Variants in ACBD4 observed in about 807,000 individuals in gnomAD.
ACBD4 encodes the protein acyl-CoA-binding domain-containing protein 4.
A neutral mutation model predicts 46.0 loss-of-function variants in ACBD4; 41 were observed. The observed-to-expected ratio is 0.89, with a 90% CI of 0.69 to 1.16. ACBD4 has a LOEUF of 1.16. Among genes scored for constraint, ACBD4 ranks in the 50% most tolerant of loss-of-function variants. The pLI, the probability that ACBD4 is intolerant of heterozygous loss-of-function variation, is 0.00. For synonymous variants in ACBD4, 162 were observed against 155.9 expected (o/e 1.04, Z -0.29); for missense variants, 393 against 399.5 (o/e 0.98, Z 0.14).
rs2054869338 is a variant in ACBD4, at chr17:45,136,769, C to T, written c.287C>T (p.Ala96Val). The T allele has an allele frequency of 6.2e-7, 1 of 1,613,172 alleles. No individual in the cohort carries two copies. The highest frequency in any genetic ancestry group is 8.5e-7 in the Non-Finnish European group (1 of 1,180,030). The change falls in exon 4 of 10, where the codon GCA becomes GTA. Residue 96 changes from alanine to valine, a missense_variant. Physicochemically the swap from Ala to Val is moderately conservative, Grantham distance 64. Around this residue, in one of 3 missense-constraint regions of ACBD4, gnomAD observed 308 missense variants for 301.8 expected, o/e 1.02. Coordinates refer to ENST00000321854, the MANE Select transcript of ACBD4 (RefSeq NM_001135705.3). ...SAYITEMKLV[A>V]QKVIDTVPLG... ...TACATCACTGAAATGAAACTGGTGG[C>T]ACAGAAGGTAAGGGCTGCAGGTTCT...
At chr17:45,138,210 C>T (rs1192189499) in intron 8 of ACBD4, 6 of 600,510 alleles carry the variant, frequency 1.0e-5, no homozygotes, top group African/African-American at 9.3e-5. Context: ...CAGGAGTCTG[C>T]ACCCTCTGCA....
chr17:45,142,389 C>CAAAAAAAA (rs1161132274), intron 9 of ACBD4, among the ~76,000 whole-genome samples: 176 of 28,600 alleles, frequency 6.2e-3, no homozygotes, highest in Non-Finnish European at 7.2e-3. Flanking sequence ...CAAGACTCCT[C>CAAAAAAAA]AAAAAAAAAA....
rs2054812378 is a variant in ACBD4 at position 45,136,163 on chromosome 17, A to C, written c.19A>C (p.Ser7Arg). ...CAGCAGCATGGGCACCGAGAAAGAAAGCCCAGAGCCCGACTGCCAGAAACA... is the reference window on the plus strand; with the variant it reads ...CAGCAGCATGGGCACCGAGAAAGAACGCCCAGAGCCCGACTGCCAGAAACA... MGTEKE[S>R]PEPDCQKQFQ... The change falls in exon 2 of 10, where the codon AGC becomes CGC. Residue 7 changes from serine to arginine, a missense_variant. Physicochemically the swap from Ser to Arg is moderately radical, Grantham distance 110. Coordinates refer to ENST00000321854, the MANE Select transcript of ACBD4 (RefSeq NM_001135705.3). 2 of 1,613,570 alleles carry C rather than the reference A, an allele frequency of 1.2e-6. No individual in the cohort carries two copies.
chr17:45,132,668 G>A (rs183380710), upstream of ACBD4: 1 of 238,968 alleles, frequency 4.2e-6, no homozygotes, highest in Non-Finnish European at 8.0e-6. The surrounding 1 kb of genome is among the most constrained non-coding windows in gnomAD (Gnocchi z 4.6). Flanking sequence ...CTGCTCGTGA[G>A]TCCGTCTCCC....
chr17:45,137,726 C>T (rs1160357594), intron 6 of ACBD4, 34 bp from the exon 7 acceptor site: 5 of 1,612,580 alleles, frequency 3.1e-6, no homozygotes, highest in Admixed American at 1.7e-5. Flanking sequence ...CCACAGCTTC[C>T]CTCTGGGCAG....
At chr17:45,132,828 G>A (rs930994310), upstream of ACBD4, among the ~76,000 whole-genome samples, 15 of 152,130 alleles carry the variant, frequency 9.9e-5, no homozygotes, top group Non-Finnish European at 1.6e-4. The surrounding 1 kb of genome is among the most constrained non-coding windows in gnomAD (Gnocchi z 4.6). Flanking sequence ...CGAGGCTGAC[G>A]CAGGACCCCC....
intron 9 of ACBD4, 98 bp downstream of exon 9, chr17:45,139,258 A>T (rs998428244): frequency 8.2e-7 from 1 of 1,214,546 alleles, no homozygotes; most frequent in Non-Finnish European, 1.2e-6. Flanking sequence ...TCACGCCTCC[A>T]CCTGCCCACA....
Position 45,143,772 on chromosome 17 carries a change from C to A in ACBD4, c.*201C>A. Reference sequence around the variant, plus strand: ...ACAGGGACGCTTCCTTCCCTCCCCGCAACCACCCCAGGCTCCCCTGGGAGG... The same window carrying A: ...ACAGGGACGCTTCCTTCCCTCCCCGAAACCACCCCAGGCTCCCCTGGGAGG... On this transcript the variant is annotated 3_prime_UTR_variant, in exon 10 of 10. Transcript: ENST00000321854. 1 of 854,084 alleles carries A rather than the reference C, an allele frequency of 1.2e-6. No individual in the cohort carries two copies. The highest frequency in any genetic ancestry group is 1.8e-6 in the Non-Finnish European group (1 of 562,312). 52.9% of individuals were successfully genotyped at this position (854,084 alleles called of 1,614,324 possible). A position where few individuals can be genotyped will look rare whatever the true frequency, so the allele number is the denominator to read the frequency against.
At position 45,139,003 on chromosome 17, in the gene ACBD4, T is replaced by C; in HGVS notation, c.650-18T>C. The stretch of plus-strand genomic sequence containing the variant: ...ATTGCCTCCTGAGCCCCCTTCCCTG[T>C]GTGTCTGTGCTCCGCAGAGGGGTTG... On this transcript the variant is annotated intron_variant, in intron 8 of 9. Coordinates refer to ENST00000321854, the MANE Select transcript of ACBD4 (RefSeq NM_001135705.3). 1 of 1,611,740 alleles carries C rather than the reference T, an allele frequency of 6.2e-7. No individual in the cohort carries two copies. The highest frequency in any genetic ancestry group is 1.1e-5 in the South Asian group (1 of 91,008).
chr17:45,136,404 C>A, intron 2 of ACBD4, 96 bp from the exon 3 acceptor site: 1 of 1,472,728 alleles, frequency 6.8e-7, no homozygotes, highest in Non-Finnish European at 9.3e-7. Flanking sequence ...TGGGACCCAT[C>A]ACCACCTCTG....
At chr17:45,140,155 CTTTCT>C (rs1354633199) in intron 9 of ACBD4, among the ~76,000 whole-genome samples, 3 of 150,644 alleles carry the variant, frequency 2.0e-5, no homozygotes, top group Non-Finnish European at 4.4e-5. Context: ...ACAGGGCTTT[CTTTCT>C]TTTCTTCTGT....
At chr17:45,142,554 CTTTTTTTTT>C in intron 9 of ACBD4, 2 of 170,486 alleles carry the variant, frequency 1.2e-5, no homozygotes, top group South Asian at 6.1e-5. Flanking sequence ...CACAGTAATT[CTTTTTTTTT>C]TTTTTTTTTT....
Position 45,136,090 on chromosome 17 carries a change from G to T in ACBD4, c.-37-18G>T. ...GGGGACCCTGGAGGCCCCCTCACAC[G>T]AAGGCTGCTTCTTGCAGAGTCGCTC... On this transcript the variant is annotated intron_variant, in intron 1 of 9. Coordinates refer to ENST00000321854, the MANE Select transcript of ACBD4 (RefSeq NM_001135705.3). 1 of 1,592,386 alleles carries T rather than the reference G, an allele frequency of 6.3e-7. No individual in the cohort carries two copies. The highest frequency in any genetic ancestry group is 1.7e-5 in the Admixed American group (1 of 58,196).
At position 45,137,765 on chromosome 17, in the gene ACBD4, C is replaced by T. The variant is rs754325277; in HGVS notation, c.508C>T (p.His170Tyr). ...CTCTACCAACCCCTCCACAGAGTCC[C>T]ATTCACCCAGGGACCTGGACTCCGA... ...KEPAPPSPESHSPRDLDSEVF... is the reference protein window; with the variant it reads ...KEPAPPSPESYSPRDLDSEVF... Residue 170 changes from histidine (H) to tyrosine (Y), a missense_variant, in exon 7 of 10, where the codon CAT becomes TAT. Physicochemically the swap from His to Tyr is moderately conservative, Grantham distance 83. Coordinates refer to ENST00000321854, the MANE Select transcript of ACBD4 (RefSeq NM_001135705.3). 1.2e-6 allele frequency: 2 copies of T among 1,614,028 alleles called. No homozygotes were observed. Among genetic ancestry groups the T allele is most frequent in the Non-Finnish European group, 1.7e-6 (2 of 1,180,006 alleles).
intron 2 of ACBD4, 117 bp downstream of exon 2, chr17:45,136,349 C>T (rs1405257221): frequency 1.3e-6 from 2 of 1,487,846 alleles, no homozygotes; most frequent in Non-Finnish European, 1.9e-6. Flanking sequence ...CCTGGGCTGT[C>T]CTGGGGGTTC....
At chr17:45,137,498 G>T in intron 6 of ACBD4, 44 bp downstream of exon 6, 8 of 1,596,138 alleles carry the variant, frequency 5.0e-6, no homozygotes, top group Non-Finnish European at 6.9e-6. Flanking sequence ...CAGGCTGGGG[G>T]AGGGCTGGAG....
intron 9 of ACBD4, among the ~76,000 whole-genome samples, chr17:45,139,597 G>A (rs2143861297): frequency 6.6e-6 from 1 of 152,264 alleles, no homozygotes; most frequent in Middle Eastern, 3.4e-3. Context: ...TTGGGATCCT[G>A]GGCTCCTGCA....
chr17:45,142,416 AAAAG>A (rs1567909452), intron 9 of ACBD4, among the ~76,000 whole-genome samples: 36 of 146,786 alleles, frequency 2.5e-4, no homozygotes, highest in South Asian at 6.5e-4. Context: ...AAAAAAAAAA[AAAAG>A]AAAGAAAGAA....
intron 4 of ACBD4, 95 bp downstream of exon 4, chr17:45,136,871 C>A: frequency 6.3e-7 from 1 of 1,582,242 alleles, no homozygotes. Context: ...CATGGACCCC[C>A]TCATGGGAAT....
Sources: allele counts gnomAD v4.1 joint callset (sites outside exome capture counted in the v4.1 genomes callset), GRCh38; gene constraint gnomAD v4.1.1; regional missense constraint gnomAD v4.1.1; non-coding constraint Gnocchi (gnomAD v3.1); transcripts MANE v1.5; gene names NCBI Gene and HGNC (gene_info 2026-07-23, HGNC 2026-07-21).